The following COL4A3 variants were observed in gnomAD, a reference collection of about 807,000 sequenced individuals.
The protein encoded by COL4A3 is collagen type IV alpha 3 chain.
COL4A3 carries 135 observed loss-of-function variants against 217.4 expected under a neutral mutation model. The observed-to-expected ratio is 0.62, with a 90% CI of 0.54 to 0.72. The LOEUF is 0.72. COL4A3 is among the 30% of genes least tolerant of loss of function. The pLI is 0.00. For missense variants in COL4A3, 1,868 were observed against 2,119.9 expected, an observed-to-expected ratio of 0.88 and a Z score of 2.33; for synonymous variants, 690 against 736.3, an observed-to-expected ratio of 0.94 and a Z score of 1.02.
intron 1 of COL4A3, among the ~76,000 whole-genome samples, chr2:227,177,874 T>C (rs962717836): frequency 2.6e-5 from 4 of 152,180 alleles, no homozygotes; most frequent in Admixed American, 2.6e-4. Flanking sequence ...TGTGTTCAAA[T>C]AGCTCTTACT....
At chr2:227,276,613 T>TA in intron 27 of COL4A3, 136 bp downstream of exon 27, 1 of 726,992 alleles carries the variant, frequency 1.4e-6, no homozygotes, top group Non-Finnish European at 2.4e-6. Flanking sequence ...GGCAGTGTCT[T>TA]ACCTGATAAG....
intron 17 of COL4A3, chr2:227,256,675 A>G (rs572852052): frequency 1.7e-6 from 1 of 591,318 alleles, no homozygotes; most frequent in African/African-American, 1.8e-5. Context: ...GGTTGAAAAA[A>G]TCCTACAATT....
chr2:227,237,762 C>T, intron 1 of COL4A3: 1 of 493,606 alleles, frequency 2.0e-6, no homozygotes, highest in South Asian at 1.9e-5. Context: ...GACATTTCTC[C>T]CTTATGCAAC....
rs200954828 is a variant in COL4A3 at position 227,222,177 on chromosome 2, TAA to T, written c.88-15787_88-15786del. The stretch of plus-strand genomic sequence containing the variant: ...ATAATAATAATAATGATAATGATAA[TAA>T]AAAGCTCCTTAAGCACCCTTGACAT... On this transcript the variant is annotated intron_variant, in intron 1 of 51. Coordinates refer to ENST00000396578, the MANE Select transcript of COL4A3 (RefSeq NM_000091.5). Among the ~76,000 whole-genome samples the T allele has an allele frequency of 8.4e-3, 1,096 of 130,764 alleles. 19 individuals carry two copies. The highest frequency in any genetic ancestry group is 0.025 in the Admixed American group (304 of 12,144). 85.8% of individuals were successfully genotyped at this position (130,764 alleles called of 152,430 possible).
intron 1 of COL4A3, among the ~76,000 whole-genome samples, chr2:227,181,956 C>A (rs1423863906): frequency 6.6e-6 from 1 of 152,112 alleles, no homozygotes; most frequent in African/African-American, 2.4e-5. Flanking sequence ...TAAATTCTAT[C>A]TTGTAAATAT....
rs1330104378 is a variant in COL4A3 at position 227,282,334 on chromosome 2, T to A, written c.2489-31T>A. 1 of 1,571,728 alleles carries A rather than the reference T, an allele frequency of 6.4e-7. No homozygotes were observed. The highest frequency in any genetic ancestry group is 8.7e-7 in the Non-Finnish European group (1 of 1,146,574). On this transcript the variant is annotated intron_variant, in intron 31 of 51. Coordinates refer to ENST00000396578, the MANE Select transcript of COL4A3 (RefSeq NM_000091.5). This position sits in a 1 kb window ranked among gnomAD's most constrained non-coding sequence, Gnocchi z 4.4. ...GTTAGTAGGGGAAAGCATTTGTGGG[T>A]TAATTAATTCATTCATTTATTCGTA...
intron 1 of COL4A3, among the ~76,000 whole-genome samples, chr2:227,223,926 T>A (rs1020437526): frequency 6.6e-6 from 1 of 152,164 alleles, no homozygotes; most frequent in African/African-American, 2.4e-5. Context: ...AAGCCAGGAA[T>A]GAATTCAGCT....
intron 1 of COL4A3, among the ~76,000 whole-genome samples, chr2:227,174,921 G>T (rs1447941283): frequency 6.6e-6 from 1 of 152,230 alleles, no homozygotes. Flanking sequence ...TGAATCCCCA[G>T]CCATGATGGA....
At chr2:227,228,348 C>G (rs1424644521) in intron 1 of COL4A3, 1 of 152,504 alleles carries the variant, frequency 6.6e-6, no homozygotes, top group African/African-American at 2.4e-5. Context: ...GAGGACAGCT[C>G]GTGGCGTCTG....
At position 227,310,836 on chromosome 2, in the gene COL4A3, G is replaced by C; in HGVS notation, c.4816G>C (p.Glu1606Gln). ...QALASPGSCL[E>Q]EFRASPFLEC... ...ACTGGCCTCCCCTGGCTCCTGCCTG[G>C]AAGAATTCCGAGCCAGCCCATTTCT... Residue 1606 changes from glutamate to glutamine, a missense_variant, in exon 51 of 52, where the codon GAA becomes CAA. Glu to Gln is a conservative substitution (Grantham distance 29). This residue lies in a region of COL4A3 where 1,503 missense variants were observed against 1,786.1 expected (regional missense o/e 0.84). Coordinates refer to ENST00000396578, the MANE Select transcript of COL4A3 (RefSeq NM_000091.5). 1 of 1,614,194 alleles carries C rather than the reference G, an allele frequency of 6.2e-7. No homozygotes were observed.
intron 25 of COL4A3, 122 bp downstream of exon 25, chr2:227,271,074 G>GA: frequency 1.2e-6 from 1 of 846,086 alleles, no homozygotes. Context: ...ACTGCAGAAT[G>GA]AAACATCTTC....
intron 1 of COL4A3, among the ~76,000 whole-genome samples, chr2:227,196,696 A>G (rs2066493352): frequency 6.6e-6 from 1 of 152,216 alleles, no homozygotes; most frequent in Non-Finnish European, 1.5e-5. Flanking sequence ...ATAATTGCCT[A>G]CAATATACAG....
intron 1 of COL4A3, among the ~76,000 whole-genome samples, chr2:227,210,544 C>T (rs553954510): frequency 4.6e-5 from 7 of 152,152 alleles, no homozygotes; most frequent in South Asian, 2.1e-4. Context: ...GAGCCGAGAC[C>T]GAACCACTGC....
At chr2:227,265,605 C>T (rs1172224058) in intron 21 of COL4A3, among the ~76,000 whole-genome samples, 2 of 152,148 alleles carry the variant, frequency 1.3e-5, no homozygotes, top group Non-Finnish European at 2.9e-5. Context: ...TGTGGACAAG[C>T]AACAAAGAGA....
At position 227,164,843 on chromosome 2, in the gene COL4A3, C is replaced by A. The variant is rs2065157700; in HGVS notation, c.87+30C>A. On this transcript the variant is annotated intron_variant, in intron 1 of 51. Transcript: ENST00000396578. The surrounding 1 kb of genome is among the most constrained non-coding windows in gnomAD (Gnocchi z 4.8). The stretch of plus-strand genomic sequence containing the variant: ...GTGGGGGCTGCGCGACCCCCACCCC[C>A]GCACTTCCATCCCTCCTCCACGCGT... 14 of 1,490,214 alleles carry A rather than the reference C, an allele frequency of 9.4e-6. No individual in the cohort carries two copies. The highest frequency in any genetic ancestry group is 2.4e-4 in the Middle Eastern group (1 of 4,228). The allele number at this position is 1,490,214 out of a possible 1,614,324, so 92.3% of individuals were successfully genotyped here.
At chr2:227,271,079 A>G (rs2071207122) in intron 25 of COL4A3, 127 bp downstream of exon 25, 2 of 823,854 alleles carry the variant, frequency 2.4e-6, no homozygotes, top group South Asian at 1.5e-5. Context: ...AGAATGAAAC[A>G]TCTTCAAATT....
At chr2:227,259,417 G>A (rs937478417) in intron 18 of COL4A3, 3 of 175,010 alleles carry the variant, frequency 1.7e-5, no homozygotes, top group Non-Finnish European at 3.6e-5. Context: ...AAAAGTATCA[G>A]GGTTGATCAT....
At chr2:227,226,479 T>TTTTTG (rs1220866744) in intron 1 of COL4A3, among the ~76,000 whole-genome samples, 1 of 151,682 alleles carries the variant, frequency 6.6e-6, no homozygotes, top group Non-Finnish European at 1.5e-5. Context: ...AGGTTTGTTT[T>TTTTTG]TTTTTTTTTA....
intron 34 of COL4A3, 31 bp downstream of exon 34, chr2:227,284,376 T>C: frequency 1.2e-6 from 2 of 1,603,318 alleles, no homozygotes; most frequent in African/African-American, 1.3e-5. Flanking sequence ...AATCAGGACA[T>C]CAGAGCTGAT....
Sources: allele counts gnomAD v4.1 joint callset (sites outside exome capture counted in the v4.1 genomes callset), GRCh38; gene constraint gnomAD v4.1.1; regional missense constraint gnomAD v4.1.1; non-coding constraint Gnocchi (gnomAD v3.1); transcripts MANE v1.5; gene names NCBI Gene and HGNC (gene_info 2026-07-23, HGNC 2026-07-21).